The following SNUPN variants were observed in gnomAD, a reference collection of about 807,000 sequenced individuals.
SNUPN encodes the protein snurportin-1.
A neutral mutation model predicts 39.2 loss-of-function variants in SNUPN; 31 were observed. The ratio of observed to expected loss-of-function variants is 0.79; its 90% CI spans 0.59 to 1.07. The LOEUF is 1.07. Ranked by LOEUF, SNUPN falls within the 50% of genes least tolerant of loss-of-function variation. The probability of loss-of-function intolerance (pLI) is 0.00; values close to 1 mark genes in which losing one functional copy is unlikely to be tolerated. For missense variants in SNUPN, 382 were observed against 434.2 expected (o/e 0.88, Z 1.07); for synonymous variants, 132 against 159.0 (o/e 0.83, Z 1.28).
intron 3 of SNUPN, among the ~76,000 whole-genome samples, chr15:75,615,915 C>T (rs1892919699): frequency 6.6e-6 from 1 of 151,926 alleles, no homozygotes; most frequent in Non-Finnish European, 1.5e-5. Flanking sequence ...GCCAGCATCT[C>T]ACTTTTTTAT....
intron 7 of SNUPN, among the ~76,000 whole-genome samples, chr15:75,604,603 G>A (rs537118538): frequency 1.3e-5 from 2 of 152,240 alleles, no homozygotes; most frequent in African/African-American, 4.8e-5. Flanking sequence ...AGGAGGACTT[G>A]CATATTTATA....
intron 5 of SNUPN, 144 bp from the exon 6 acceptor site, chr15:75,607,457 T>A: frequency 1.6e-6 from 1 of 641,630 alleles, no homozygotes; most frequent in South Asian, 1.8e-5. Flanking sequence ...GGACTAAGGA[T>A]TCACTGGGGA....
chr15:75,609,897 G>A lies in SNUPN; in HGVS notation c.401C>T (p.Ala134Val). ...GGGCAGGCAGCTACTCACCCTGGAG[G>A]CCACGATAAGGGCTCTTTTTCCAAC... ...CPVGKRALIVASRGSTSAYTK... is the reference protein window; with the variant it reads ...CPVGKRALIVVSRGSTSAYTK... Residue 134 changes from alanine (A) to valine (V), a missense_variant, in exon 4 of 9, where the codon GCC becomes GTC. Transcript: ENST00000308588. 6.2e-7 allele frequency: 1 copy of A among 1,613,294 alleles called. No homozygotes were observed. The highest frequency in any genetic ancestry group is 8.5e-7 in the Non-Finnish European group (1 of 1,179,300).
At chr15:75,617,303 C>G in intron 3 of SNUPN, 105 bp downstream of exon 3, 1 of 1,231,700 alleles carries the variant, frequency 8.1e-7, no homozygotes, top group Non-Finnish European at 1.1e-6. Flanking sequence ...TTCCTTTTTC[C>G]TGCCTCATTC....
intron 3 of SNUPN, among the ~76,000 whole-genome samples, chr15:75,616,672 G>T (rs1284409227): frequency 3.9e-5 from 6 of 152,030 alleles, no homozygotes; most frequent in Non-Finnish European, 8.8e-5. Context: ...ATGATAGCAG[G>T]GTAGACCTCC....
rs1804001225 is a variant in SNUPN, at chr15:75,607,064, C to CA, written c.600+151dup. On this transcript the variant is annotated intron_variant, in intron 6 of 8. Coordinates refer to ENST00000308588, the MANE Select transcript of SNUPN (RefSeq NM_005701.4). ...AAAACTAAGCTAATTTAAACACACT[C>CA]AAAGATGCAGGGAGCATTAGATAAT... 5 of 656,386 alleles carry CA rather than the reference C, an allele frequency of 7.6e-6. No homozygotes were observed. The South Asian group carries it at 8.8e-5, about 12-fold the overall frequency. 40.7% of individuals were successfully genotyped at this position (656,386 alleles called of 1,614,324 possible).
At chr15:75,601,270 C>A in intron 7 of SNUPN, 52 bp from the exon 8 acceptor site, 2 of 1,280,554 alleles carry the variant, frequency 1.6e-6, no homozygotes, top group East Asian at 2.3e-5. Flanking sequence ...GATACTGGCC[C>A]AAGCAATTGA....
intron 3 of SNUPN, among the ~76,000 whole-genome samples, chr15:75,617,053 C>G (rs1218676353): frequency 2.0e-5 from 3 of 152,376 alleles, no homozygotes; most frequent in Non-Finnish European, 4.4e-5. Flanking sequence ...CAATCCAGAA[C>G]AGCTGTGCAG....
chr15:75,607,176 A>T (rs2075337058), intron 6 of SNUPN, 40 bp downstream of exon 6: 5 of 1,427,728 alleles, frequency 3.5e-6, no homozygotes, highest in Non-Finnish European at 4.9e-6. Context: ...GGAGGAGAGG[A>T]GAAGACAGGA....
intron 3 of SNUPN, among the ~76,000 whole-genome samples, chr15:75,613,237 C>A (rs1378978410): frequency 8.7e-6 from 1 of 114,430 alleles, no homozygotes; most frequent in Non-Finnish European, 1.6e-5. Context: ...CCAGCCTGGG[C>A]GACAGAGCAA....
Position 75,598,101 on chromosome 15 carries a change from A to C in SNUPN, c.*257T>G. 2.5e-6 allele frequency: 1 copy of C among 396,084 alleles called. No homozygotes were observed. The highest frequency in any genetic ancestry group is 6.0e-5 in the South Asian group (1 of 16,708). 24.5% of individuals were successfully genotyped at this position (396,084 alleles called of 1,614,324 possible). On this transcript the variant is annotated 3_prime_UTR_variant, in exon 9 of 9. Coordinates refer to ENST00000308588, the MANE Select transcript of SNUPN (RefSeq NM_005701.4). ...AAACCAGTTCTTTCTTACAAATCAC[A>C]TATATTTACATTGTGGATCTGGGAT...
At chr15:75,612,924 A>C (rs1387993700) in intron 3 of SNUPN, among the ~76,000 whole-genome samples, 1 of 152,148 alleles carries the variant, frequency 6.6e-6, no homozygotes, top group African/African-American at 2.4e-5. Context: ...ATGAAAGAAA[A>C]TATGTGCAAA....
chr15:75,612,789 G>C (rs758263481), intron 3 of SNUPN, among the ~76,000 whole-genome samples: 29 of 151,802 alleles, frequency 1.9e-4, no homozygotes, highest in Non-Finnish European at 3.4e-4. Flanking sequence ...CTTGTTAATG[G>C]CATCACCACT....
intron 8 of SNUPN, 83 bp downstream of exon 8, chr15:75,601,055 A>G: frequency 2.0e-6 from 2 of 1,007,564 alleles, no homozygotes; most frequent in Non-Finnish European, 3.2e-6. Context: ...AGCACAATCA[A>G]GGAATATTTT....
At chr15:75,616,051 T>C (rs529732293) in intron 3 of SNUPN, among the ~76,000 whole-genome samples, 5 of 152,288 alleles carry the variant, frequency 3.3e-5, no homozygotes, top group South Asian at 4.1e-4. Flanking sequence ...CTGAACAAAA[T>C]TGAATTGTAC....
In SNUPN at chr15:75,601,157, G is replaced by T. The variant is rs767392904; in HGVS notation, c.740C>A (p.Ser247Tyr). Reference protein sequence around the residue: ...CTPESLCDVLSMDFPFEVDGL... With the variant: ...CTPESLCDVLYMDFPFEVDGL... ...CGTTACCTCAAAAGGGAAATCCATA[G>T]ATAGCACATCACACAGGCTTTCGGG... Residue 247 changes from serine (S) to tyrosine (Y), a missense_variant, in exon 8 of 9, where the codon TCT becomes TAT. Ser to Tyr is a moderately radical substitution (Grantham distance 144). Coordinates refer to ENST00000308588, the MANE Select transcript of SNUPN (RefSeq NM_005701.4). 2.5e-5 allele frequency: 40 copies of T among 1,613,344 alleles called. No individual in the cohort carries two copies. The Middle Eastern group carries it at 8.2e-4, about 33-fold the overall frequency.
rs1020330554 is a variant in SNUPN at position 75,609,810 on chromosome 15, C to A, written c.408+80G>T. ...TCCACTCCAGGCACAGCTGTTGTGG[C>A]GTATGAGGAAAATGGAGCACAAAGA... On this transcript the variant is annotated intron_variant, in intron 4 of 8. Coordinates refer to ENST00000308588, the MANE Select transcript of SNUPN (RefSeq NM_005701.4). The A allele has an allele frequency of 1.5e-5, 19 of 1,256,018 alleles. No individual in the cohort carries two copies. In the African/African-American group the frequency reaches 2.2e-4, roughly 15 times the overall value. The allele number at this position is 1,256,018 out of a possible 1,614,324, so 77.8% of individuals were successfully genotyped here.
intron 1 of SNUPN, among the ~76,000 whole-genome samples, chr15:75,624,294 C>CT (rs1893158960): frequency 6.6e-6 from 1 of 151,292 alleles, no homozygotes; most frequent in Non-Finnish European, 1.5e-5. Context: ...ATCCAAAGCA[C>CT]CTTTATTAGG....
At chr15:75,626,314 G>C (rs1893226761), upstream of SNUPN, 1 of 152,214 alleles carries the variant, frequency 6.6e-6, no homozygotes, top group Non-Finnish European at 1.5e-5. Flanking sequence ...GTAGGGACCT[G>C]GCTTGATTCC....
Sources: gnomAD v4.1 joint callset for allele counts (sites outside exome capture counted in the v4.1 genomes callset) on GRCh38, gnomAD v4.1.1 for gene constraint, MANE v1.5 for transcripts, NCBI Gene and HGNC (gene_info 2026-07-23, HGNC 2026-07-21) for gene names.